The following KDM4C variants were observed in gnomAD, a reference collection of about 807,000 sequenced individuals.
The protein encoded by KDM4C is lysine-specific demethylase 4C.
A neutral mutation model predicts 129.3 loss-of-function variants in KDM4C; 81 were observed. The observed-to-expected ratio is 0.63, with a 90% CI of 0.52 to 0.75. KDM4C has a LOEUF of 0.75. Among genes scored for constraint, KDM4C ranks in the 30% least tolerant of loss-of-function variants. KDM4C has a pLI of 0.00. For synonymous variants in KDM4C, 573 were observed against 456.1 expected (o/e 1.26, Z -3.26); for missense variants, 1,457 against 1,304.0 (o/e 1.12, Z -1.81).
chr9:6,727,033 C>T (rs1817154616), intron 1 of KDM4C: 1 of 152,182 alleles, frequency 6.6e-6, no homozygotes. Flanking sequence ...CTGCATCTGG[C>T]CCGATTCTTT....
chr9:6,876,660 G>C (rs200852050), intron 5 of KDM4C, among the ~76,000 whole-genome samples: 1 of 152,132 alleles, frequency 6.6e-6, no homozygotes, highest in Non-Finnish European at 1.5e-5. Context: ...AAGTAGTGCC[G>C]TGGTGTAGGG....
Position 6,801,892 on chromosome 9 carries a change from G to T in KDM4C, c.145-3707G>T, listed in dbSNP as rs531246939. 1.6e-4 allele frequency among the ~76,000 whole-genome samples: 25 copies of T among 152,076 alleles called. No individual in the cohort carries two copies. The East Asian group carries it at 4.7e-3, about 28-fold the overall frequency. ...GGCTGAGGCGGGTGGATCACCTGAG[G>T]TCAGGAGTTCGAGACCAGCCTGGCC... On this transcript the variant is annotated intron_variant, in intron 2 of 21. Coordinates refer to ENST00000381309, the MANE Select transcript of KDM4C (RefSeq NM_015061.6).
intron 1 of KDM4C, among the ~76,000 whole-genome samples, chr9:6,772,908 C>G (rs549559651): frequency 2.6e-5 from 4 of 151,218 alleles, no homozygotes; most frequent in Non-Finnish European, 5.9e-5. Flanking sequence ...GTTGGCCAGG[C>G]TGGTCCCGAA....
At chr9:6,762,876 C>G (rs1819835916) in intron 1 of KDM4C, among the ~76,000 whole-genome samples, 1 of 151,874 alleles carries the variant, frequency 6.6e-6, no homozygotes, top group Admixed American at 6.6e-5. Context: ...CCAGGCTGGG[C>G]TCGAATTCTT....
intron 13 of KDM4C, among the ~76,000 whole-genome samples, chr9:7,012,747 C>T (rs1033874449): frequency 6.6e-6 from 1 of 152,014 alleles, no homozygotes; most frequent in Non-Finnish European, 1.5e-5. Context: ...TTAGGAATCT[C>T]GTAAGGGTGG....
At chr9:7,094,371 A>C (rs1277234025) in intron 17 of KDM4C, among the ~76,000 whole-genome samples, 1 of 152,026 alleles carries the variant, frequency 6.6e-6, no homozygotes, top group Non-Finnish European at 1.5e-5. Flanking sequence ...TTATACTTTA[A>C]GTTTTAGGGT....
chr9:6,867,617 T>C (rs752573682), intron 5 of KDM4C, among the ~76,000 whole-genome samples: 1 of 152,230 alleles, frequency 6.6e-6, no homozygotes, highest in Non-Finnish European at 1.5e-5. Flanking sequence ...TTCCCTGTTT[T>C]ATTAATGCTT....
intron 1 of KDM4C, among the ~76,000 whole-genome samples, chr9:6,730,601 C>T (rs1028364245): frequency 2.7e-5 from 4 of 147,120 alleles, no homozygotes; most frequent in African/African-American, 7.5e-5. Context: ...GGCGACAGAG[C>T]GAGACTCTGT....
At chr9:6,935,362 T>A (rs1308334552) in intron 8 of KDM4C, among the ~76,000 whole-genome samples, 1 of 152,170 alleles carries the variant, frequency 6.6e-6, no homozygotes, top group African/African-American at 2.4e-5. Flanking sequence ...ATTCAATTTT[T>A]ATATCCTGTT....
intron 8 of KDM4C, among the ~76,000 whole-genome samples, chr9:6,970,833 G>C (rs1831857349): frequency 6.8e-6 from 1 of 146,944 alleles, no homozygotes; most frequent in Admixed American, 6.8e-5. Context: ...CACCCCCAGG[G>C]TACCTCCTCT....
intron 17 of KDM4C, among the ~76,000 whole-genome samples, chr9:7,096,893 C>T (rs146180783): frequency 1.3e-5 from 2 of 152,214 alleles, no homozygotes; most frequent in African/African-American, 2.4e-5. Context: ...TACTACTAAG[C>T]GATCGTGAGT....
At chr9:6,914,184 C>G (rs1047208846) in intron 8 of KDM4C, among the ~76,000 whole-genome samples, 40 of 152,140 alleles carry the variant, frequency 2.6e-4, no homozygotes, top group Non-Finnish European at 5.0e-4. Flanking sequence ...CTCAGCCTCC[C>G]GAGTAGCTGG....
chr9:6,979,544 C>A (rs1816401615), intron 8 of KDM4C, among the ~76,000 whole-genome samples: 1 of 152,024 alleles, frequency 6.6e-6, no homozygotes, highest in African/African-American at 2.4e-5. Context: ...AGTCTTGGAG[C>A]CCTTAATGCC....
At chr9:7,062,278 T>G (rs1831806940) in intron 17 of KDM4C, among the ~76,000 whole-genome samples, 1 of 152,262 alleles carries the variant, frequency 6.6e-6, no homozygotes, top group East Asian at 1.9e-4. Context: ...ACTTTTGGCT[T>G]TTTTATTTTG....
chr9:7,061,695 C>CT (rs1831692533), intron 17 of KDM4C, among the ~76,000 whole-genome samples: 3 of 152,072 alleles, frequency 2.0e-5, no homozygotes. Context: ...AGTAAGTCCA[C>CT]TTTTTTCCCA....
Position 6,883,930 on chromosome 9 carries a change from C to T in KDM4C, c.679+3869C>T, listed in dbSNP as rs1844858614. Among the ~76,000 whole-genome samples the T allele has an allele frequency of 2.0e-5, 3 of 152,010 alleles. No homozygotes were observed. In the South Asian group the frequency reaches 6.2e-4, roughly 32 times the overall value. On this transcript the variant is annotated intron_variant, in intron 6 of 21. Transcript: ENST00000381309. The stretch of plus-strand genomic sequence containing the variant: ...GTCTCAGGAATGCAGTAAAAAAAAC[C>T]CCATGCGTGTAATGACACACACACC...
Position 6,956,785 on chromosome 9 carries a change from A to T in KDM4C, c.922-24140A>T, listed in dbSNP as rs1218758545. On this transcript the variant is annotated intron_variant, in intron 8 of 21. Coordinates refer to ENST00000381309, the MANE Select transcript of KDM4C (RefSeq NM_015061.6). ...GTCTGTGCAGCTTAGGTGATTAACC[A>T]GCTGGCATGCTTTATGTTTTTTGGT... Among the ~76,000 whole-genome samples the T allele has an allele frequency of 2.0e-5, 3 of 152,236 alleles. No individual in the cohort carries two copies. The East Asian group carries it at 5.8e-4, about 29-fold the overall frequency.
chr9:6,855,519 G>C (rs1839659306), intron 5 of KDM4C, among the ~76,000 whole-genome samples: 1 of 147,300 alleles, frequency 6.8e-6, no homozygotes, highest in Non-Finnish European at 1.5e-5. Context: ...ATTTTTCCCA[G>C]TGTTTGTAGT....
intron 12 of KDM4C, among the ~76,000 whole-genome samples, chr9:7,007,044 T>G (rs1821798736): frequency 6.6e-6 from 1 of 152,232 alleles, no homozygotes; most frequent in Admixed American, 6.5e-5. Context: ...CTTCAGTACA[T>G]TGATCCAAGT....
Sources: gnomAD v4.1 joint callset for allele counts (sites outside exome capture counted in the v4.1 genomes callset) on GRCh38, gnomAD v4.1.1 for gene constraint, MANE v1.5 for transcripts, NCBI Gene and HGNC (gene_info 2026-07-23, HGNC 2026-07-21) for gene names.